UTRN: variants seen among roughly 807,000 people sequenced by gnomAD.
UTRN encodes utrophin.
Under a neutral mutation model 463.9 loss-of-function variants are expected in UTRN, and 283 were observed. That is an observed-to-expected ratio of 0.61 (90% CI 0.55 to 0.67). The LOEUF is 0.67. UTRN is among the 30% of genes least tolerant of loss of function. The pLI is 0.00. For missense variants in UTRN, 3,922 were observed against 4,084.3 expected (o/e 0.96, Z 1.08); for synonymous variants, 1,442 against 1,431.5 (o/e 1.01, Z -0.17).
chr6:144,347,185 T>G (rs375799021), intron 2 of UTRN, among the ~76,000 whole-genome samples: 17 of 152,320 alleles, frequency 1.1e-4, no homozygotes, highest in African/African-American at 3.8e-4. Context: ...GTCAGCTGTT[T>G]CCTTTTTAGA....
At chr6:144,655,743 G>A (rs1272013060) in intron 51 of UTRN, among the ~76,000 whole-genome samples, 4 of 152,166 alleles carry the variant, frequency 2.6e-5, no homozygotes, top group Non-Finnish European at 5.9e-5. Context: ...TTAGTGGGAA[G>A]GGTGCCTTAA....
At chr6:144,474,561 C>G (rs765848932) in intron 24 of UTRN, 43 bp from the exon 25 acceptor site, 1 of 1,566,756 alleles carries the variant, frequency 6.4e-7, no homozygotes, top group South Asian at 1.2e-5. Flanking sequence ...ATGGCATCCA[C>G]TTATATAGTA....
chr6:144,560,453 G>A (rs1312917005), intron 50 of UTRN, among the ~76,000 whole-genome samples: 1 of 152,000 alleles, frequency 6.6e-6, no homozygotes, highest in Non-Finnish European at 1.5e-5. Context: ...TCCAGTACGT[G>A]GCCATCACAC....
chr6:144,497,535 G>A (rs1430640201), intron 33 of UTRN, among the ~76,000 whole-genome samples: 1 of 142,146 alleles, frequency 7.0e-6, no homozygotes, highest in Non-Finnish European at 1.6e-5. Context: ...AAAAAAATTA[G>A]CTGAGTGTGG....
intron 3 of UTRN, among the ~76,000 whole-genome samples, chr6:144,404,325 G>C (rs1387110991): frequency 6.6e-6 from 1 of 152,194 alleles, no homozygotes; most frequent in East Asian, 1.9e-4. Context: ...TCACATGCAG[G>C]TGTGTTTTGG....
chr6:144,732,652 T>C (rs1016124240), intron 54 of UTRN, among the ~76,000 whole-genome samples: 4 of 148,704 alleles, frequency 2.7e-5, no homozygotes, highest in African/African-American at 1.0e-4. Flanking sequence ...TTTCATTTTA[T>C]GTCATGTTAT....
rs934870490 is a variant in UTRN, at chr6:144,649,578, TG to T, written c.7480-28826del. On this transcript the variant is annotated intron_variant, in intron 51 of 74. Coordinates refer to ENST00000367545, the MANE Select transcript of UTRN (RefSeq NM_007124.3). ...GTTTAGTTATTTGGGGGTTGGAATA[TG>T]GAGAATCATTAAAGAAACAGGGAAT... 2.6e-5 allele frequency among the ~76,000 whole-genome samples: 4 copies of T among 152,264 alleles called. No individual in the cohort carries two copies. The East Asian group carries it at 7.7e-4, about 29-fold the overall frequency.
chr6:144,426,554 A>G (rs2114859518), intron 7 of UTRN, 95 bp downstream of exon 7: 2 of 1,268,822 alleles, frequency 1.6e-6, no homozygotes, highest in East Asian at 2.7e-5. Flanking sequence ...CCCCTTCTCC[A>G]GTGCCACTGC....
At chr6:144,638,335 A>G (rs1388659743) in intron 51 of UTRN, among the ~76,000 whole-genome samples, 1 of 152,196 alleles carries the variant, frequency 6.6e-6, no homozygotes, top group Non-Finnish European at 1.5e-5. Flanking sequence ...ATTCTTTGAA[A>G]TGTATTTAAA....
chr6:144,486,640 G>A (rs1315654373), intron 28 of UTRN, among the ~76,000 whole-genome samples: 1 of 152,086 alleles, frequency 6.6e-6, no homozygotes, highest in East Asian at 1.9e-4. Flanking sequence ...TCATGCCTCA[G>A]CCTCCTGAGT....
At chr6:144,584,089 A>G (rs978482280) in intron 51 of UTRN, among the ~76,000 whole-genome samples, 5 of 152,242 alleles carry the variant, frequency 3.3e-5, no homozygotes, top group South Asian at 2.1e-4. Flanking sequence ...ACTGAATTTC[A>G]TCATAAAACA....
chr6:144,710,106 G>T (rs902090336), intron 53 of UTRN, among the ~76,000 whole-genome samples: 1 of 152,162 alleles, frequency 6.6e-6, no homozygotes, highest in Non-Finnish European at 1.5e-5. Context: ...TGGTTTGTTG[G>T]CTGTATCCAG....
chr6:144,697,775 T>G (rs1784173934), intron 52 of UTRN, among the ~76,000 whole-genome samples: 1 of 152,224 alleles, frequency 6.6e-6, no homozygotes, highest in Non-Finnish European at 1.5e-5. Context: ...AGATTCTAAA[T>G]ACTGTAAGTT....
chr6:144,545,893 G>T (rs1316139554), intron 46 of UTRN, among the ~76,000 whole-genome samples: 1 of 152,110 alleles, frequency 6.6e-6, no homozygotes, highest in Admixed American at 6.5e-5. Context: ...GGTGGCGGGC[G>T]CCTGTAATCC....
intron 20 of UTRN, 81 bp downstream of exon 20, chr6:144,459,092 T>C (rs1789156612): frequency 6.4e-7 from 1 of 1,564,140 alleles, no homozygotes; most frequent in Non-Finnish European, 8.7e-7. Flanking sequence ...ATCATGAACT[T>C]TAAGTTAATG....
intron 2 of UTRN, among the ~76,000 whole-genome samples, chr6:144,294,746 A>G (rs1350628584): frequency 6.6e-6 from 1 of 152,038 alleles, no homozygotes; most frequent in Non-Finnish European, 1.5e-5. Flanking sequence ...GATTATTTTT[A>G]TTGTCCTCAC....
intron 2 of UTRN, among the ~76,000 whole-genome samples, chr6:144,376,453 C>CAA (rs745601567): frequency 3.5e-5 from 4 of 114,650 alleles, no homozygotes; most frequent in African/African-American, 1.3e-4. Context: ...CACTCTGTCT[C>CAA]AAAAAAAAAA....
rs771357033 is a variant in UTRN at position 144,577,155 on chromosome 6, G to A, written c.7346G>A (p.Arg2449His). 25 of 1,613,818 alleles carry A rather than the reference G, an allele frequency of 1.5e-5. No homozygotes were observed. Among genetic ancestry groups the A allele is most frequent in the South Asian group, 3.3e-5 (3 of 91,086 alleles). Reference sequence around the variant, plus strand: ...GAGTGGAGGACGGTGCAGGCCTCTCGCAGAGATCTGGAAAACTTCCTGAAG... The same window carrying A: ...GAGTGGAGGACGGTGCAGGCCTCTCACAGAGATCTGGAAAACTTCCTGAAG... ...EAEWRTVQASRRDLENFLKWI... is the reference protein window; with the variant it reads ...EAEWRTVQASHRDLENFLKWI... Residue 2449 changes from arginine (R) to histidine (H), a missense_variant, in exon 51 of 75, where the codon CGC becomes CAC. Around this residue, in one of 3 missense-constraint regions of UTRN, gnomAD observed 1,309 missense variants for 1,452.6 expected, o/e 0.90. Coordinates refer to ENST00000367545, the MANE Select transcript of UTRN (RefSeq NM_007124.3).
chr6:144,698,072 GGAAA>G (rs1200025476), intron 52 of UTRN, among the ~76,000 whole-genome samples: 1 of 152,090 alleles, frequency 6.6e-6, no homozygotes, highest in Non-Finnish European at 1.5e-5. Context: ...TAAAAATATT[GGAAA>G]GAAATTGCAG....
Sources: gnomAD v4.1 joint callset for allele counts (sites outside exome capture counted in the v4.1 genomes callset) on GRCh38, gnomAD v4.1.1 for gene constraint, gnomAD v4.1.1 regional missense constraint, MANE v1.5 for transcripts, NCBI Gene and HGNC (gene_info 2026-07-23, HGNC 2026-07-21) for gene names.